The following TMCC1 variants were observed in gnomAD, a reference collection of about 807,000 sequenced individuals.
TMCC1 encodes transmembrane and coiled-coil domains protein 1.
Under a neutral mutation model 52.4 loss-of-function variants are expected in TMCC1, and 15 were observed. That is an observed-to-expected ratio of 0.29 (90% confidence interval 0.19 to 0.44). TMCC1 has a LOEUF of 0.44. TMCC1 is among the 20% of genes least tolerant of loss of function. The pLI is 1.00. For synonymous variants in TMCC1, 279 were observed against 301.9 expected (o/e 0.92, Z 0.79); for missense variants, 503 against 806.0 (o/e 0.62, Z 4.55).
intron 4 of TMCC1, among the ~76,000 whole-genome samples, chr3:129,714,123 G>C (rs2048896026): frequency 6.6e-6 from 1 of 152,204 alleles, no homozygotes; most frequent in South Asian, 2.1e-4. Flanking sequence ...CCTTTGGGGA[G>C]GGGGTGAGGG....
At chr3:129,688,247 G>C in intron 4 of TMCC1, 8 of 985,010 alleles carry the variant, frequency 8.1e-6, no homozygotes, top group Non-Finnish European at 9.6e-6. Flanking sequence ...TGCACTGCCA[G>C]AGAAAGCTTG....
At chr3:129,770,545 T>A (rs1180356323) in intron 4 of TMCC1, among the ~76,000 whole-genome samples, 2 of 151,396 alleles carry the variant, frequency 1.3e-5, no homozygotes, top group African/African-American at 4.9e-5. Context: ...ACCACTGTAC[T>A]CCAGCCTGGG....
chr3:129,687,792 C>T (rs900411459), intron 4 of TMCC1, among the ~76,000 whole-genome samples: 5 of 152,220 alleles, frequency 3.3e-5, no homozygotes, highest in Admixed American at 1.3e-4. Context: ...TGTTCTCAGC[C>T]TATTACTGTT....
intron 4 of TMCC1, among the ~76,000 whole-genome samples, chr3:129,816,635 G>A (rs1450336971): frequency 2.0e-5 from 3 of 152,070 alleles, no homozygotes; most frequent in Non-Finnish European, 2.9e-5. Context: ...ACAAATAAAC[G>A]GGGTCTGATA....
chr3:129,745,233 T>C (rs2051827563), intron 4 of TMCC1, among the ~76,000 whole-genome samples: 1 of 152,214 alleles, frequency 6.6e-6, no homozygotes, highest in Admixed American at 6.5e-5. Flanking sequence ...ATTTTAAACA[T>C]GCACTCACAC....
chr3:129,703,003 G>A (rs1576504387), intron 4 of TMCC1, among the ~76,000 whole-genome samples: 1 of 152,164 alleles, frequency 6.6e-6, no homozygotes, highest in Non-Finnish European at 1.5e-5. Context: ...GCAACAGAGC[G>A]AGACTTTGTC....
At chr3:129,812,440 C>T in intron 4 of TMCC1, among the ~76,000 whole-genome samples, 1 of 150,412 alleles carries the variant, frequency 6.6e-6, no homozygotes, top group East Asian at 2.0e-4. Flanking sequence ...TAAGCTGGTA[C>T]TCTGTAGGAC....
rs908192605 is a variant in TMCC1 at position 129,893,254 on chromosome 3, A to T, written c.-435+240T>A. 1.2e-4 allele frequency: 19 copies of T among 152,414 alleles called. 1 individual carries two copies. The highest frequency in any genetic ancestry group is 2.5e-4 in the Non-Finnish European group (17 of 68,236). The allele number at this position is 152,414 out of a possible 1,614,324, so 9.4% of individuals were successfully genotyped here. A position where few individuals can be genotyped will look rare whatever the true frequency, so the allele number is the denominator to read the frequency against. ...GAACCCCAGGTCAAAATGACAGCGG[A>T]ATGAGCCGGGAAAGGAAAGAGGCCC... On this transcript the variant is annotated intron_variant, in intron 1 of 6. Coordinates refer to ENST00000393238, the MANE Select transcript of TMCC1 (RefSeq NM_001017395.5).
intron 5 of TMCC1, 71 bp from the exon 6 acceptor site, chr3:129,655,174 A>C (rs992788238): frequency 4.5e-6 from 7 of 1,548,136 alleles, no homozygotes; most frequent in Non-Finnish European, 6.1e-6. Flanking sequence ...TTTACATCCA[A>C]CTCCCAAAAC....
chr3:129,864,880 A>G (rs2060550641), intron 2 of TMCC1, among the ~76,000 whole-genome samples: 1 of 152,256 alleles, frequency 6.6e-6, no homozygotes, highest in Non-Finnish European at 1.5e-5. Flanking sequence ...GAAGGCAAAC[A>G]GAGGTGAATG....
chr3:129,665,789 CA>C lies in TMCC1; in HGVS notation c.1511+4540del, dbSNP rs578018998. Among the ~76,000 whole-genome samples, 907 of 152,292 alleles carry C rather than the reference CA, an allele frequency of 6.0e-3. 14 individuals carry two copies. Among genetic ancestry groups the C allele is most frequent in the African/African-American group, 0.017 (707 of 41,566 alleles). On this transcript the variant is annotated intron_variant, in intron 5 of 6. Transcript: ENST00000393238. ...TTACCACTTACTGAGTGACCTCTGG[CA>C]ACTTTTAAAACCCCACTGAGCTTCA...
At chr3:129,771,744 C>T (rs1332974714) in intron 4 of TMCC1, among the ~76,000 whole-genome samples, 24 of 131,382 alleles carry the variant, frequency 1.8e-4, no homozygotes, top group Non-Finnish European at 2.2e-4. Context: ...CACTGTACTT[C>T]GGCCTGGGCG....
intron 4 of TMCC1, among the ~76,000 whole-genome samples, chr3:129,681,920 A>ATTT (rs1491582054): frequency 2.0e-5 from 3 of 150,912 alleles, no homozygotes; most frequent in African/African-American, 7.3e-5. Context: ...AAAAAAAAAA[A>ATTT]TTTTTAATTA....
intron 4 of TMCC1, among the ~76,000 whole-genome samples, chr3:129,778,251 C>A (rs2055204384): frequency 6.6e-6 from 1 of 152,074 alleles, no homozygotes; most frequent in Non-Finnish European, 1.5e-5. Context: ...TATTCATAAT[C>A]CATTTAGTAG....
chr3:129,866,308 C>CATATATTATATATACATATATACATAAT (rs1265352927), intron 2 of TMCC1, among the ~76,000 whole-genome samples: 6,737 of 133,700 alleles, frequency 0.05, 278 homozygotes, highest in Middle Eastern at 0.12. Flanking sequence ...ATAATATATA[C>CATATATTATATATACATATATACATAAT]ATATATTATA....
intron 4 of TMCC1, among the ~76,000 whole-genome samples, chr3:129,826,923 G>A (rs2107831262): frequency 6.6e-6 from 1 of 152,322 alleles, no homozygotes; most frequent in South Asian, 2.1e-4. Flanking sequence ...AATGTGTTCA[G>A]TGTGGCTTGC....
At chr3:129,794,787 C>T (rs1004665845) in intron 4 of TMCC1, among the ~76,000 whole-genome samples, 2 of 152,100 alleles carry the variant, frequency 1.3e-5, no homozygotes, top group African/African-American at 4.8e-5. Context: ...AGCATCTGCT[C>T]CAAGTAGGAG....
rs185196193 is a variant in TMCC1, at chr3:129,801,331, T to A, written c.576+26472A>T. Among the ~76,000 whole-genome samples, 25 of 152,244 alleles carry A rather than the reference T, an allele frequency of 1.6e-4. No individual in the cohort carries two copies. In the East Asian group the frequency reaches 3.1e-3, roughly 19 times the overall value. On this transcript the variant is annotated intron_variant, in intron 4 of 6. Transcript: ENST00000393238. ...TTACTCAGAAATTTGTCAGTACATA[T>A]ATCCTACATTATTTTAACTGCCACA...
Position 129,828,511 on chromosome 3 carries a change from A to C in TMCC1, c.-130-3T>G. 1.3e-6 allele frequency: 1 copy of C among 792,156 alleles called. No homozygotes were observed. The highest frequency in any genetic ancestry group is 2.0e-6 in the Non-Finnish European group (1 of 508,040). 49.1% of individuals were successfully genotyped at this position (792,156 alleles called of 1,614,324 possible). A position where few individuals can be genotyped will look rare whatever the true frequency, so the allele number is the denominator to read the frequency against. ...TGAGACGAAGGCTTCATGCCTATCT[A>C]ATGTTAAAAACAAAAAAACAAAAAA... On this transcript the variant is annotated splice_polypyrimidine_tract_variant and splice_region_variant and intron_variant, in intron 3 of 6. Coordinates refer to ENST00000393238, the MANE Select transcript of TMCC1 (RefSeq NM_001017395.5). This position sits in a 1 kb window ranked among gnomAD's most constrained non-coding sequence, Gnocchi z 4.1.
Sources: gnomAD v4.1 joint callset for allele counts (sites outside exome capture counted in the v4.1 genomes callset) on GRCh38, gnomAD v4.1.1 for gene constraint, Gnocchi (gnomAD v3.1) non-coding constraint, MANE v1.5 for transcripts, NCBI Gene and HGNC (gene_info 2026-07-23, HGNC 2026-07-21) for gene names.